DPP10: variants seen among roughly 807,000 people sequenced by gnomAD.
DPP10 encodes dipeptidyl peptidase like 10, also known as inactive dipeptidyl peptidase 10.
DPP10 carries 33 observed loss-of-function variants against 120.9 expected under a neutral mutation model. That is an observed-to-expected ratio of 0.27 (90% CI 0.21 to 0.37). The LOEUF is 0.37. Among genes scored for constraint, DPP10 ranks in the 10% least tolerant of loss-of-function variants. The pLI is 1.00. For missense variants in DPP10, 816 were observed against 942.8 expected (o/e 0.87, Z 1.76); for synonymous variants, 337 against 326.1 (o/e 1.03, Z -0.36).
chr2:115,400,100 T>G (rs942474100), intron 3 of DPP10, among the ~76,000 whole-genome samples: 6 of 152,058 alleles, frequency 3.9e-5, no homozygotes, highest in Admixed American at 6.6e-5. Flanking sequence ...ACTCATTCAC[T>G]ATCATGAGAA....
chr2:115,401,729 A>G (rs1185366496), intron 3 of DPP10, among the ~76,000 whole-genome samples: 1 of 152,154 alleles, frequency 6.6e-6, no homozygotes, highest in Non-Finnish European at 1.5e-5. Flanking sequence ...ACATACACAG[A>G]AATATAAACT....
intron 1 of DPP10, among the ~76,000 whole-genome samples, chr2:114,451,074 A>G (rs1678246543): frequency 6.6e-6 from 1 of 151,480 alleles, no homozygotes; most frequent in Admixed American, 6.6e-5. Context: ...TATTGTATTT[A>G]AAGATCGGCC....
intron 1 of DPP10, among the ~76,000 whole-genome samples, chr2:115,067,140 T>C (rs1706916724): frequency 6.6e-6 from 1 of 152,236 alleles, no homozygotes; most frequent in Non-Finnish European, 1.5e-5. Context: ...ATTGTATATG[T>C]GAGAGTATGC....
At chr2:115,026,968 T>A (rs1456149758) in intron 1 of DPP10, among the ~76,000 whole-genome samples, 2 of 152,198 alleles carry the variant, frequency 1.3e-5, no homozygotes, top group African/African-American at 4.8e-5. Context: ...GAATATTTTT[T>A]AAATGTTTTA....
At chr2:115,290,948 C>CA (rs2060627328) in intron 1 of DPP10, among the ~76,000 whole-genome samples, 1 of 152,128 alleles carries the variant, frequency 6.6e-6, no homozygotes, top group Non-Finnish European at 1.5e-5. Flanking sequence ...CTACCTCTTA[C>CA]ATACAAAGAA....
chr2:115,381,776 C>G (rs1411160005), intron 3 of DPP10, among the ~76,000 whole-genome samples: 4 of 151,734 alleles, frequency 2.6e-5, no homozygotes, highest in Non-Finnish European at 5.9e-5. Context: ...TTAACAGACA[C>G]AACCCTCAGC....
intron 13 of DPP10, among the ~76,000 whole-genome samples, chr2:115,771,711 G>A (rs927338779): frequency 6.6e-6 from 1 of 152,108 alleles, no homozygotes; most frequent in South Asian, 2.1e-4. Context: ...TGCCTGAAAA[G>A]TGAGAAATGA....
At chr2:115,363,156 G>A (rs1010241536) in intron 3 of DPP10, among the ~76,000 whole-genome samples, 2 of 152,094 alleles carry the variant, frequency 1.3e-5, no homozygotes, top group African/African-American at 4.8e-5. Flanking sequence ...TAGTTAATGT[G>A]TGTATATATT....
intron 1 of DPP10, among the ~76,000 whole-genome samples, chr2:114,747,041 C>T (rs565070013): frequency 2.6e-4 from 40 of 152,226 alleles, no homozygotes; most frequent in African/African-American, 9.4e-4. Flanking sequence ...TCACTTAGTT[C>T]TGAATGATGT....
At chr2:115,548,273 A>G (rs913631543) in intron 5 of DPP10, among the ~76,000 whole-genome samples, 5 of 152,170 alleles carry the variant, frequency 3.3e-5, no homozygotes, top group Non-Finnish European at 7.3e-5. Context: ...CCTTCTTACC[A>G]ACCAGAAAAG....
chr2:114,585,713 A>C (rs1035808437), intron 1 of DPP10, among the ~76,000 whole-genome samples: 1 of 152,168 alleles, frequency 6.6e-6, no homozygotes, highest in African/African-American at 2.4e-5. Flanking sequence ...TTCAACAGCT[A>C]CACAGTGTCC....
chr2:114,625,660 T>C (rs1694456333), intron 1 of DPP10, among the ~76,000 whole-genome samples: 1 of 151,998 alleles, frequency 6.6e-6, no homozygotes, highest in African/African-American at 2.4e-5. Flanking sequence ...AAGAGCCTTT[T>C]AAAATATCAT....
intron 1 of DPP10, among the ~76,000 whole-genome samples, chr2:114,723,685 T>A (rs1477298825): frequency 6.6e-6 from 1 of 152,156 alleles, no homozygotes; most frequent in African/African-American, 2.4e-5. Flanking sequence ...TCTTGCTTTA[T>A]TTCTCCCCCT....
At chr2:115,355,713 A>T (rs1355497685) in intron 3 of DPP10, among the ~76,000 whole-genome samples, 1 of 152,180 alleles carries the variant, frequency 6.6e-6, no homozygotes, top group Non-Finnish European at 1.5e-5. Context: ...TCTTAAATCC[A>T]TCTTGAGTTA....
intron 5 of DPP10, among the ~76,000 whole-genome samples, chr2:115,669,000 C>G (rs1005567877): frequency 2.6e-5 from 4 of 151,736 alleles, no homozygotes; most frequent in Middle Eastern, 6.8e-3. Flanking sequence ...GATTTTTTTT[C>G]TTCTATTTCT....
chr2:115,031,100 A>G (rs1218393257), intron 1 of DPP10, among the ~76,000 whole-genome samples: 1 of 152,136 alleles, frequency 6.6e-6, no homozygotes, highest in African/African-American at 2.4e-5. Flanking sequence ...AGAGCTGTCT[A>G]AGCACCATGC....
chr2:114,943,546 A>G (rs2104589464), intron 1 of DPP10, among the ~76,000 whole-genome samples: 1 of 152,296 alleles, frequency 6.6e-6, no homozygotes, highest in East Asian at 1.9e-4. Flanking sequence ...TGTTGGGATT[A>G]CAGGTGTGAG....
At chr2:115,583,714 A>G (rs1321245941) in intron 5 of DPP10, among the ~76,000 whole-genome samples, 1 of 152,206 alleles carries the variant, frequency 6.6e-6, no homozygotes, top group African/African-American at 2.4e-5. Flanking sequence ...GATTCAGAGG[A>G]AAGAAGGAAA....
intron 4 of DPP10, among the ~76,000 whole-genome samples, chr2:115,508,113 G>A (rs1222673676): frequency 1.3e-5 from 2 of 152,096 alleles, no homozygotes; most frequent in Non-Finnish European, 2.9e-5. Context: ...GTTTATGCAT[G>A]TTTTCTGTGT....
Sources: gnomAD v4.1 joint callset for allele counts (sites outside exome capture counted in the v4.1 genomes callset) on GRCh38, gnomAD v4.1.1 for gene constraint, MANE v1.5 for transcripts, NCBI Gene and HGNC (gene_info 2026-07-23, HGNC 2026-07-21) for gene names.